SERF2: variants seen among roughly 807,000 people sequenced by gnomAD.
SERF2 encodes the protein gastric cancer-related protein VRG107.
A neutral mutation model predicts 10.7 loss-of-function variants in SERF2; 4 were observed. The ratio of observed to expected loss-of-function variants is 0.37; its 90% CI spans 0.18 to 0.86. The LOEUF (loss-of-function observed/expected upper bound fraction) is 0.86, where lower values mean the gene tolerates loss of function less well. Ranked by LOEUF, SERF2 falls within the 40% of genes least tolerant of loss-of-function variation. The pLI, the probability that SERF2 is intolerant of heterozygous loss-of-function variation, is 0.43. For missense variants in SERF2, 47 were observed against 79.1 expected (o/e 0.59, Z 1.54); for synonymous variants, 26 against 26.0 (o/e 1.00, Z 0.01).
chr15:43,790,658 A>G (rs1404246366), upstream of SERF2, among the ~76,000 whole-genome samples: 2 of 151,994 alleles, frequency 1.3e-5, no homozygotes, highest in African/African-American at 4.8e-5. Context: ...AATCGCAGCT[A>G]CTTGGGAGGC....
chr15:43,795,658 ACTT>A lies in SERF2; in HGVS notation c.*1889_*1891del, dbSNP rs751424100. The A allele has an allele frequency of 2.8e-5, 45 of 1,613,010 alleles. No individual in the cohort carries two copies. Among genetic ancestry groups the A allele is most frequent in the Admixed American group, 1.3e-4 (8 of 59,966 alleles). ...TTATGGCACTCCACAGAGATCTACC[ACTT>A]CTTATGGTTCCTCACTTGGCACTCA... On this transcript the variant is annotated 3_prime_UTR_variant, in exon 3 of 3. Transcript: ENST00000249786.
upstream of SERF2, among the ~76,000 whole-genome samples, chr15:43,790,752 C>T (rs549592313): frequency 2.9e-4 from 42 of 146,068 alleles, no homozygotes; most frequent in Admixed American, 1.5e-3. Flanking sequence ...TTGGGTGTCT[C>T]TTATTAACTG....
chr15:43,777,797 C>T (rs1027533508), intron 1 of SERF2, among the ~76,000 whole-genome samples: 1 of 152,074 alleles, frequency 6.6e-6, no homozygotes, highest in Non-Finnish European at 1.5e-5. Flanking sequence ...GGTGTCTCCA[C>T]TTGTTCCTGT....
Position 43,795,080 on chromosome 15 carries a change from T to TG in SERF2, c.*1313dup, listed in dbSNP as rs1261606291. ...AAGATAAGGGGCTGGGGTTTCTGGG[T>TG]GGGGGGCCAACAGAGTGGTGCCAGT... is the stretch of plus-strand genomic sequence containing the variant. On this transcript the variant is annotated 3_prime_UTR_variant, in exon 3 of 3. Transcript: ENST00000249786. 7.5e-6 allele frequency: 12 copies of TG among 1,596,226 alleles called. No individual in the cohort carries two copies. Among genetic ancestry groups the TG allele is most frequent in the Non-Finnish European group, 1.0e-5 (12 of 1,165,154 alleles).
chr15:43,785,704 C>CTTTTTTTTTTTTTTTTTTT (rs71415810), intron 2 of SERF2, among the ~76,000 whole-genome samples: 1 of 122,676 alleles, frequency 8.2e-6, no homozygotes, highest in Non-Finnish European at 1.7e-5. Flanking sequence ...TTTTCTTTTT[C>CTTTTTTTTTTTTTTTTTTT]TTTTTTTTTT....
At chr15:43,788,839 GTAAGGC>G (rs1247163868), upstream of SERF2, among the ~76,000 whole-genome samples, 1 of 152,078 alleles carries the variant, frequency 6.6e-6, no homozygotes, top group African/African-American at 2.4e-5. Flanking sequence ...AAAGGTCATC[GTAAGGC>G]TCAAATAAGA....
intron 1 of SERF2, 84 bp downstream of exon 1, chr15:43,792,467 G>T: frequency 6.2e-7 from 1 of 1,610,168 alleles, no homozygotes; most frequent in Non-Finnish European, 8.5e-7. Context: ...TTGACCTTCC[G>T]TAGCTTCCCT....
At chr15:43,790,469 T>A (rs1270674469), upstream of SERF2, among the ~76,000 whole-genome samples, 2 of 152,016 alleles carry the variant, frequency 1.3e-5, no homozygotes, top group Non-Finnish European at 2.9e-5. Flanking sequence ...CTCATCAAGA[T>A]ATACCCAATT....
chr15:43,793,465 C>T, intron 2 of SERF2: 7 of 1,129,714 alleles, frequency 6.2e-6, no homozygotes, highest in Non-Finnish European at 8.6e-6. Flanking sequence ...GTCCTCAATA[C>T]AGAATAGAGA....
At chr15:43,777,979 T>A (rs75874620) in intron 1 of SERF2, 1 of 151,170 alleles carries the variant, frequency 6.6e-6, no homozygotes, top group Non-Finnish European at 1.5e-5. Context: ...TTTTTTTTTT[T>A]TTGAGACGAA....
At chr15:43,781,411 T>C (rs1006858937) in intron 1 of SERF2, among the ~76,000 whole-genome samples, 28 of 151,876 alleles carry the variant, frequency 1.8e-4, no homozygotes, top group Admixed American at 1.8e-3. Flanking sequence ...AAAAATTAGC[T>C]GGGAGCGGTG....
chr15:43,777,648 A>T (rs1257961939), intron 1 of SERF2: 1 of 159,450 alleles, frequency 6.3e-6, no homozygotes, highest in East Asian at 1.9e-4. Flanking sequence ...CCTAGGTCTC[A>T]CCTCGTGGCC....
chr15:43,795,168 C>G lies in SERF2; in HGVS notation c.*1395C>G, dbSNP rs774277001. On this transcript the variant is annotated 3_prime_UTR_variant, in exon 3 of 3. Transcript: ENST00000249786. The stretch of plus-strand genomic sequence containing the variant: ...AGGCAACCTTGACCCAGAAGGTGGC[C>G]CAGCTACCCTTGATGAAGGTCTTTT... 5.6e-6 allele frequency: 9 copies of G among 1,613,918 alleles called. No homozygotes were observed. The highest frequency in any genetic ancestry group is 6.8e-6 in the Non-Finnish European group (8 of 1,180,012).
chr15:43,792,214 T>A, upstream of SERF2: 2 of 660,454 alleles, frequency 3.0e-6, no homozygotes, highest in Non-Finnish European at 5.5e-6. Flanking sequence ...GCACGACCCG[T>A]GGATCCACGT....
At chr15:43,793,375 G>A in intron 2 of SERF2, 1 of 592,654 alleles carries the variant, frequency 1.7e-6, no homozygotes, top group Non-Finnish European at 2.9e-6. Flanking sequence ...TGTGGTTACG[G>A]CAGCCCAGTA....
At position 43,795,411 on chromosome 15, in the gene SERF2, C is replaced by T. The variant is rs576280150; in HGVS notation, c.*1638C>T. 2 of 1,614,128 alleles carry T rather than the reference C, an allele frequency of 1.2e-6. No individual in the cohort carries two copies. Among genetic ancestry groups the T allele is most frequent in the South Asian group, 2.2e-5 (2 of 91,084 alleles). On this transcript the variant is annotated 3_prime_UTR_variant, in exon 3 of 3. Transcript: ENST00000249786. ...ACCTGAACCAGTTGGTAAGGGTAACCATGACATAGAGTGAGGCAAGGAAGA... is the reference window on the plus strand; with the variant it reads ...ACCTGAACCAGTTGGTAAGGGTAACTATGACATAGAGTGAGGCAAGGAAGA...
rs760301302 is a variant in SERF2, at chr15:43,794,478, A to G, written c.*705A>G. On this transcript the variant is annotated 3_prime_UTR_variant, in exon 3 of 3. Transcript: ENST00000249786. The stretch of plus-strand genomic sequence containing the variant: ...CTTTCTCTTCTGTCATTCCTCATGG[A>G]ATGAGGGTGGTTTTGTCTTCCCGCT... The G allele has an allele frequency of 1.1e-4, 17 of 160,748 alleles. No individual in the cohort carries two copies. Among genetic ancestry groups the G allele is most frequent in the Non-Finnish European group, 1.8e-4 (13 of 72,672 alleles). 10.0% of individuals were successfully genotyped at this position (160,748 alleles called of 1,614,324 possible).
Position 43,792,333 on chromosome 15 carries a change from A to G in SERF2, c.-44A>G. On this transcript the variant is annotated 5_prime_UTR_variant, in exon 1 of 3. Transcript: ENST00000249786. ...GGCGGGACCTGCAACGTCCGACAGA[A>G]CGAGGGGACGTAACGGAGGCAGGTT... The G allele has an allele frequency of 6.6e-7, 1 of 1,514,610 alleles. No homozygotes were observed. The highest frequency in any genetic ancestry group is 1.1e-5 in the South Asian group (1 of 89,094). The allele number at this position is 1,514,610 out of a possible 1,614,324, so 93.8% of individuals were successfully genotyped here.
In SERF2 at chr15:43,795,432, G is replaced by A; in HGVS notation, c.*1659G>A. 1 of 1,614,208 alleles carries A rather than the reference G, an allele frequency of 6.2e-7. No homozygotes were observed. The highest frequency in any genetic ancestry group is 8.5e-7 in the Non-Finnish European group (1 of 1,180,020). Reference sequence around the variant, plus strand: ...TAACCATGACATAGAGTGAGGCAAGGAAGAAGACGAAGTGGAAGGCAGAAT... The same window carrying A: ...TAACCATGACATAGAGTGAGGCAAGAAAGAAGACGAAGTGGAAGGCAGAAT... On this transcript the variant is annotated 3_prime_UTR_variant, in exon 3 of 3. Transcript: ENST00000249786.
Sources: allele counts gnomAD v4.1 joint callset (sites outside exome capture counted in the v4.1 genomes callset), GRCh38; gene constraint gnomAD v4.1.1; transcripts MANE v1.5; gene names NCBI Gene and HGNC (gene_info 2026-07-23, HGNC 2026-07-21).